The following NARS2 variants were observed in gnomAD, a reference collection of about 807,000 sequenced individuals.
The protein encoded by NARS2 is asparaginyl-tRNA synthetase.
Under a neutral mutation model 62.9 loss-of-function variants are expected in NARS2, and 60 were observed. The ratio of observed to expected loss-of-function variants is 0.95; its 90% CI spans 0.77 to 1.18. The LOEUF (loss-of-function observed/expected upper bound fraction) is 1.18. Ranked by LOEUF, NARS2 falls within the 50% of genes most tolerant of loss-of-function variation. NARS2 has a pLI of 0.00. For synonymous variants in NARS2, 196 were observed against 200.0 expected (o/e 0.98, Z 0.17); for missense variants, 619 against 576.4 (o/e 1.07, Z -0.76).
intron 3 of NARS2, among the ~76,000 whole-genome samples, chr11:78,567,499 TG>T (rs1856784727): frequency 6.6e-6 from 1 of 152,154 alleles, no homozygotes. Context: ...CAGACAAGGT[TG>T]AACTACTACA....
At chr11:78,463,518 T>C (rs1858476295) in intron 11 of NARS2, among the ~76,000 whole-genome samples, 1 of 151,776 alleles carries the variant, frequency 6.6e-6, no homozygotes, top group East Asian at 1.9e-4. Flanking sequence ...AAACCCTGTC[T>C]CTACTAAAAA....
At chr11:78,500,127 T>C (rs73505000) in intron 6 of NARS2, among the ~76,000 whole-genome samples, 5,301 of 152,312 alleles carry the variant, frequency 0.035, 284 homozygotes, top group African/African-American at 0.12. Context: ...GGAGTCATTA[T>C]AGCATTGAAC....
chr11:78,513,199 G>A (rs751947008), intron 6 of NARS2, among the ~76,000 whole-genome samples: 2 of 151,940 alleles, frequency 1.3e-5, no homozygotes, highest in African/African-American at 2.4e-5. Context: ...GCAGTGAGCC[G>A]AGACTGCACC....
At chr11:78,555,904 A>C in intron 5 of NARS2, among the ~76,000 whole-genome samples, 1 of 152,152 alleles carries the variant, frequency 6.6e-6, no homozygotes, top group Non-Finnish European at 1.5e-5. Flanking sequence ...ATTTTCAAAA[A>C]ACTTTTTGAT....
At chr11:78,463,150 G>A (rs10793314) in intron 11 of NARS2, among the ~76,000 whole-genome samples, 45 of 152,012 alleles carry the variant, frequency 3.0e-4, no homozygotes, top group Non-Finnish European at 5.4e-4. Flanking sequence ...CTGAAGCCTC[G>A]AGTTCCTAGG....
At chr11:78,467,032 A>G (rs913120321) in intron 10 of NARS2, among the ~76,000 whole-genome samples, 1 of 152,224 alleles carries the variant, frequency 6.6e-6, no homozygotes, top group Admixed American at 6.5e-5. Flanking sequence ...AACAGAGGTT[A>G]CTTTTGTAAT....
chr11:78,540,011 C>G (rs1170151154), intron 5 of NARS2, among the ~76,000 whole-genome samples: 1 of 152,072 alleles, frequency 6.6e-6, no homozygotes, highest in Non-Finnish European at 1.5e-5. Context: ...GGATGATTAC[C>G]TCCCATCCTA....
chr11:78,492,112 G>GAC (rs754089395), intron 7 of NARS2, among the ~76,000 whole-genome samples: 26,453 of 145,248 alleles, frequency 0.18, 4,018 homozygotes, highest in East Asian at 0.41. Flanking sequence ...TATATATACA[G>GAC]ACACACACAC....
chr11:78,475,654 G>A (rs1047488585), intron 9 of NARS2, among the ~76,000 whole-genome samples: 18 of 139,030 alleles, frequency 1.3e-4, no homozygotes, highest in African/African-American at 4.7e-4. Flanking sequence ...GTGCAGCAGC[G>A]TCTGTGATCA....
chr11:78,539,732 C>T (rs528276174), intron 5 of NARS2, among the ~76,000 whole-genome samples: 2 of 152,314 alleles, frequency 1.3e-5, no homozygotes, highest in Admixed American at 6.5e-5. Flanking sequence ...CTAGAAAATA[C>T]TTCAGGAGTC....
intron 6 of NARS2, among the ~76,000 whole-genome samples, chr11:78,514,750 G>A (rs543853464): frequency 6.6e-6 from 1 of 152,290 alleles, no homozygotes. Flanking sequence ...CTAGAAACGG[G>A]TAGAGAATCC....
intron 11 of NARS2, among the ~76,000 whole-genome samples, chr11:78,465,113 C>T (rs1408527167): frequency 6.6e-6 from 1 of 152,228 alleles, no homozygotes; most frequent in Non-Finnish European, 1.5e-5. Flanking sequence ...CGAGCCCTGC[C>T]CCACGGGAAG....
At chr11:78,536,805 A>T (rs1253315426) in intron 5 of NARS2, among the ~76,000 whole-genome samples, 2 of 152,142 alleles carry the variant, frequency 1.3e-5, no homozygotes, top group Non-Finnish European at 2.9e-5. Flanking sequence ...AGGCCTTCCT[A>T]CTCACTTATA....
intron 1 of NARS2, among the ~76,000 whole-genome samples, chr11:78,572,706 CATA>C (rs1856973530): frequency 6.6e-6 from 1 of 152,140 alleles, no homozygotes; most frequent in Non-Finnish European, 1.5e-5. Flanking sequence ...CCAACAGAAA[CATA>C]ATGTGAGTCA....
At chr11:78,461,163 T>C (rs891321872) in intron 11 of NARS2, among the ~76,000 whole-genome samples, 3 of 152,136 alleles carry the variant, frequency 2.0e-5, no homozygotes, top group Non-Finnish European at 4.4e-5. Flanking sequence ...TATATGAGTC[T>C]AGAGCTCAGA....
chr11:78,574,493 C>A lies in NARS2; in HGVS notation c.-5G>T, dbSNP rs1245887521. On this transcript the variant is annotated 5_prime_UTR_variant, in exon 1 of 14. Transcript: ENST00000281038. ...CAGGCAGCGGACCCCCAGCATCCCG[C>A]GTCCGCCCAGGCCCTCCGCGGGAGC... The A allele has an allele frequency of 6.8e-6, 11 of 1,607,632 alleles. No individual in the cohort carries two copies. Among genetic ancestry groups the A allele is most frequent in the Non-Finnish European group, 9.3e-6 (11 of 1,177,586 alleles).
intron 4 of NARS2, among the ~76,000 whole-genome samples, chr11:78,563,140 AC>A (rs1856609197): frequency 6.6e-6 from 1 of 151,986 alleles, no homozygotes; most frequent in Non-Finnish European, 1.5e-5. Context: ...ATTTATTACT[AC>A]TCAAAAAGTG....
chr11:78,502,854 C>A (rs193288379), intron 6 of NARS2, among the ~76,000 whole-genome samples: 15 of 151,990 alleles, frequency 9.9e-5, no homozygotes, highest in Admixed American at 9.8e-4. Context: ...ATTAGCCAGG[C>A]GTGGTGGCAT....
In NARS2 at chr11:78,528,843, C is replaced by G. The variant is rs190014304; in HGVS notation, c.688G>C (p.Gly230Arg). The change falls in exon 6 of 14, where the codon GGA becomes CGA. Residue 230 changes from glycine (G) to arginine (R), a missense_variant and splice_region_variant. Transcript: ENST00000281038. ...AAAAGAGAAAGGAAAATTTCATACC[C>G]TGACATCACTTCTAGATGAAGTTGT... is the stretch of plus-strand genomic sequence containing the variant. ...SGQLHLEVMS[G>R]AFTQVFTFGP... 101 of 1,601,564 alleles carry G rather than the reference C, an allele frequency of 6.3e-5. No homozygotes were observed. Among genetic ancestry groups the G allele is most frequent in the Non-Finnish European group, 7.8e-5 (91 of 1,169,864 alleles).
Sources: allele counts gnomAD v4.1 joint callset (sites outside exome capture counted in the v4.1 genomes callset), GRCh38; gene constraint gnomAD v4.1.1; transcripts MANE v1.5; gene names NCBI Gene and HGNC (gene_info 2026-07-23, HGNC 2026-07-21).